Variants in KCNN2 observed in about 807,000 individuals in gnomAD.
The protein encoded by KCNN2 is small conductance calcium-activated potassium channel protein 2.
KCNN2 carries 24 observed loss-of-function variants against 55.5 expected under a neutral mutation model. That is an observed-to-expected ratio of 0.43 (90% CI 0.31 to 0.61). The LOEUF is 0.61. KCNN2 is among the 20% of genes least tolerant of loss of function. The pLI is 0.08. For synonymous variants in KCNN2, 431 were observed against 336.1 expected (o/e 1.28, Z -3.09); for missense variants, 754 against 853.6 (o/e 0.88, Z 1.45).
intron 3 of KCNN2, 95 bp from the exon 4 acceptor site, chr5:114,462,954 A>AAGAT (rs1761275559): frequency 2.6e-6 from 3 of 1,175,614 alleles, no homozygotes; most frequent in East Asian, 2.4e-5. Context: ...CAGTTTATAG[A>AAGAT]AGATACAGTA....
intron 1 of KCNN2, among the ~76,000 whole-genome samples, chr5:114,117,745 AT>A (rs1751734803): frequency 6.6e-6 from 1 of 152,212 alleles, no homozygotes; most frequent in African/African-American, 2.4e-5. Context: ...AACTGGAAAT[AT>A]TAACAATGTA....
chr5:114,163,825 C>T (rs1195275857), intron 1 of KCNN2, among the ~76,000 whole-genome samples: 4 of 152,158 alleles, frequency 2.6e-5, no homozygotes, highest in African/African-American at 7.2e-5. Context: ...ACTTAACATA[C>T]ATAAGTAGCC....
chr5:114,085,584 A>G (rs1343293694), intron 1 of KCNN2, among the ~76,000 whole-genome samples: 1 of 152,012 alleles, frequency 6.6e-6, no homozygotes, highest in Admixed American at 6.6e-5. Context: ...TTGATTTCCA[A>G]ATAAATTCTG....
intron 1 of KCNN2, among the ~76,000 whole-genome samples, chr5:114,073,847 C>T (rs887024637): frequency 5.9e-4 from 90 of 152,274 alleles, no homozygotes; most frequent in African/African-American, 2.1e-3. Context: ...GAATATCTAC[C>T]TCAAGTAATG....
At chr5:114,095,016 A>G (rs1038226938) in intron 1 of KCNN2, among the ~76,000 whole-genome samples, 1 of 152,102 alleles carries the variant, frequency 6.6e-6, no homozygotes, top group Non-Finnish European at 1.5e-5. Context: ...GTCTTATTTT[A>G]TATGCAATAT....
At chr5:114,247,032 G>A (rs994828042) in intron 2 of KCNN2, among the ~76,000 whole-genome samples, 3 of 150,946 alleles carry the variant, frequency 2.0e-5, no homozygotes, top group Admixed American at 6.6e-5. Context: ...ACCTGGGGCC[G>A]GGCACTCACG....
chr5:114,126,768 G>A (rs947912881), intron 1 of KCNN2, among the ~76,000 whole-genome samples: 4 of 152,082 alleles, frequency 2.6e-5, no homozygotes, highest in African/African-American at 9.7e-5. Flanking sequence ...TCTCATCTGA[G>A]ACAAGGCAAG....
chr5:114,218,339 G>A (rs1426279058), intron 1 of KCNN2, among the ~76,000 whole-genome samples: 1 of 152,182 alleles, frequency 6.6e-6, no homozygotes, highest in Non-Finnish European at 1.5e-5. Context: ...AAGCAACAAA[G>A]ATATCCTTCA....
At chr5:114,432,773 C>T (rs764390592) in intron 3 of KCNN2, among the ~76,000 whole-genome samples, 1 of 152,286 alleles carries the variant, frequency 6.6e-6, no homozygotes, top group Admixed American at 6.5e-5. Flanking sequence ...CCGCGCACGC[C>T]GAGCAGCCGG....
intron 2 of KCNN2, among the ~76,000 whole-genome samples, chr5:114,391,139 G>A (rs947798020): frequency 2.0e-5 from 3 of 152,070 alleles, no homozygotes; most frequent in Non-Finnish European, 2.9e-5. Flanking sequence ...GGTATAGCTG[G>A]AGTTTCTAGA....
At chr5:114,467,506 C>T (rs7730205) in intron 4 of KCNN2, among the ~76,000 whole-genome samples, 114,528 of 152,088 alleles carry the variant, frequency 0.75, 44,504 homozygotes, top group East Asian at 0.92. Flanking sequence ...CTTTCTGGTG[C>T]GTTCACTGAA....
At chr5:114,474,931 A>G (rs1761902546) in intron 5 of KCNN2, among the ~76,000 whole-genome samples, 1 of 152,118 alleles carries the variant, frequency 6.6e-6, no homozygotes, top group Non-Finnish European at 1.5e-5. Context: ...AAGAAAGCCA[A>G]GTTAGCATGT....
chr5:114,472,596 T>C (rs1196399619), intron 4 of KCNN2, among the ~76,000 whole-genome samples: 1 of 152,190 alleles, frequency 6.6e-6, no homozygotes, highest in Non-Finnish European at 1.5e-5. Flanking sequence ...TTATTCCTGG[T>C]GCATTGCAGT....
chr5:114,431,881 G>C (rs1759807584), intron 3 of KCNN2, among the ~76,000 whole-genome samples: 1 of 152,110 alleles, frequency 6.6e-6, no homozygotes, highest in African/African-American at 2.4e-5. Flanking sequence ...AGGTATTTGA[G>C]ATTTTCCAGT....
chr5:114,249,285 TCTTTC>T (rs780800531), intron 2 of KCNN2, among the ~76,000 whole-genome samples: 1 of 118,254 alleles, frequency 8.5e-6, no homozygotes, highest in Non-Finnish European at 1.9e-5. Context: ...TTTCTTTCTT[TCTTTC>T]TTTTTTTTAA....
intron 3 of KCNN2, among the ~76,000 whole-genome samples, chr5:114,451,660 G>A (rs1178872118): frequency 6.6e-6 from 1 of 152,132 alleles, no homozygotes; most frequent in Non-Finnish European, 1.5e-5. Flanking sequence ...ACTTTGGGAG[G>A]CCAAGGCGGG....
intron 3 of KCNN2, among the ~76,000 whole-genome samples, chr5:114,416,944 T>C (rs1219527070): frequency 2.0e-5 from 3 of 152,186 alleles, no homozygotes; most frequent in Admixed American, 1.3e-4. Flanking sequence ...TTAGTGACTT[T>C]CTTGCGTTAA....
intron 2 of KCNN2, among the ~76,000 whole-genome samples, chr5:114,293,428 T>A (rs1307123493): frequency 6.6e-6 from 1 of 152,210 alleles, no homozygotes; most frequent in Non-Finnish European, 1.5e-5. Flanking sequence ...TCAAAGGCCA[T>A]TTCTGCATCT....
intron 6 of KCNN2, among the ~76,000 whole-genome samples, chr5:114,492,019 AAGG>A (rs1747882131): frequency 6.6e-6 from 1 of 152,154 alleles, no homozygotes; most frequent in Non-Finnish European, 1.5e-5. Context: ...ATAGCATAAA[AAGG>A]AGCCAATTAA....
Sources: allele counts gnomAD v4.1 joint callset (sites outside exome capture counted in the v4.1 genomes callset), GRCh38; gene constraint gnomAD v4.1.1; transcripts MANE v1.5; gene names NCBI Gene and HGNC (gene_info 2026-07-23, HGNC 2026-07-21).